Variants in MAGI2 observed in about 807,000 individuals in gnomAD.
MAGI2 encodes the protein membrane associated guanylate kinase, WW and PDZ domain containing 2.
In MAGI2, 35 loss-of-function variants were observed where a neutral mutation model predicts 133.3. The ratio of observed to expected loss-of-function variants is 0.26; its 90% confidence interval spans 0.20 to 0.35. The LOEUF is 0.35. Ranked by LOEUF, MAGI2 falls within the 10% of genes least tolerant of loss-of-function variation. The pLI is 1.00. For missense variants in MAGI2, 1,636 were observed against 1,863.4 expected (o/e 0.88, Z 2.25); for synonymous variants, 729 against 710.6 (o/e 1.03, Z -0.41).
At chr7:78,620,965 A>G (rs929826520) in intron 3 of MAGI2, among the ~76,000 whole-genome samples, 44 of 152,008 alleles carry the variant, frequency 2.9e-4, no homozygotes, top group Non-Finnish European at 2.4e-4. Context: ...AGGTTTAGTT[A>G]ATGATGACAT....
chr7:79,085,074 T>C (rs1020000437), intron 1 of MAGI2, among the ~76,000 whole-genome samples: 1 of 151,730 alleles, frequency 6.6e-6, no homozygotes, highest in African/African-American at 2.4e-5. Context: ...TCTGTTCTTT[T>C]CTCCTTTCTC....
intron 14 of MAGI2, among the ~76,000 whole-genome samples, 197 bp from the exon 15 acceptor site, chr7:78,168,305 G>C (rs571912264): frequency 6.6e-6 from 1 of 152,056 alleles, no homozygotes; most frequent in East Asian, 1.9e-4. Flanking sequence ...TGGAAGATTT[G>C]ATTCTCACAT....
intron 10 of MAGI2, among the ~76,000 whole-genome samples, chr7:78,220,953 G>C (rs1788765200): frequency 6.6e-6 from 1 of 152,152 alleles, no homozygotes; most frequent in Non-Finnish European, 1.5e-5. Flanking sequence ...CAGCTGCCGG[G>C]TTTACAACCC....
At chr7:78,417,043 T>C (rs541549630) in intron 6 of MAGI2, among the ~76,000 whole-genome samples, 1 of 152,144 alleles carries the variant, frequency 6.6e-6, no homozygotes, top group Non-Finnish European at 1.5e-5. Flanking sequence ...ATCCTCACTT[T>C]TCTTGCAAAT....
At chr7:79,339,343 T>G (rs868198033) in intron 1 of MAGI2, among the ~76,000 whole-genome samples, 76 of 152,246 alleles carry the variant, frequency 5.0e-4, no homozygotes, top group African/African-American at 1.7e-3. Context: ...TTCTATTACT[T>G]AATGTATCAG....
intron 1 of MAGI2, among the ~76,000 whole-genome samples, chr7:79,077,574 C>CAAAAAAAAAA (rs769770373): frequency 1.7e-4 from 4 of 23,766 alleles, no homozygotes; most frequent in African/African-American, 3.0e-4. Flanking sequence ...GACTGCCTCT[C>CAAAAAAAAAA]AAAAAAAAAA....
intron 6 of MAGI2, among the ~76,000 whole-genome samples, chr7:78,461,925 A>G (rs1790082247): frequency 7.9e-6 from 1 of 126,262 alleles, no homozygotes; most frequent in Non-Finnish European, 1.6e-5. Context: ...TCAAAAAAAA[A>G]AAAAAAAAAA....
chr7:78,196,844 A>C (rs2150745095), intron 11 of MAGI2, among the ~76,000 whole-genome samples: 1 of 152,352 alleles, frequency 6.6e-6, no homozygotes. Context: ...ATAACTGTCA[A>C]GGATGGAAAA....
At chr7:79,383,414 G>T (rs1843939350) in intron 1 of MAGI2, among the ~76,000 whole-genome samples, 1 of 151,578 alleles carries the variant, frequency 6.6e-6, no homozygotes, top group East Asian at 1.9e-4. Context: ...ATATTAAAAT[G>T]TAGTTAATAC....
At chr7:78,941,333 G>A (rs1789427881) in intron 2 of MAGI2, among the ~76,000 whole-genome samples, 1 of 152,004 alleles carries the variant, frequency 6.6e-6, no homozygotes, top group Non-Finnish European at 1.5e-5. Context: ...CACATACAAG[G>A]TAATTTCTAT....
intron 1 of MAGI2, among the ~76,000 whole-genome samples, chr7:79,416,725 CTTTTTCTTTT>C (rs1232812917): frequency 2.0e-5 from 2 of 102,474 alleles, no homozygotes; most frequent in African/African-American, 4.2e-5. Context: ...TTTTCTTTTT[CTTTTTCTTTT>C]TTTTTTTTTG....
intron 6 of MAGI2, among the ~76,000 whole-genome samples, chr7:78,483,894 G>A (rs2150469938): frequency 1.3e-5 from 2 of 152,004 alleles, no homozygotes; most frequent in South Asian, 4.1e-4. Flanking sequence ...AGTTAATACT[G>A]TTAGGATCTT....
At chr7:78,780,721 A>C (rs1301662997) in intron 2 of MAGI2, among the ~76,000 whole-genome samples, 1 of 152,188 alleles carries the variant, frequency 6.6e-6, no homozygotes, top group African/African-American at 2.4e-5. Context: ...CCTCCAGTAA[A>C]ACCAACAGGT....
intron 1 of MAGI2, among the ~76,000 whole-genome samples, chr7:79,104,897 C>T (rs1818319226): frequency 6.6e-6 from 1 of 152,168 alleles, no homozygotes; most frequent in Non-Finnish European, 1.5e-5. Context: ...TTGGTAAGCA[C>T]AGCTAAACAT....
At chr7:78,225,074 C>T (rs1563287999) in intron 10 of MAGI2, among the ~76,000 whole-genome samples, 1 of 152,268 alleles carries the variant, frequency 6.6e-6, no homozygotes, top group East Asian at 1.9e-4. Context: ...CTGGCTTCTG[C>T]ACACTGCTTC....
chr7:78,040,410 C>G (rs570762256), intron 21 of MAGI2, among the ~76,000 whole-genome samples: 52 of 152,314 alleles, frequency 3.4e-4, no homozygotes, highest in South Asian at 8.3e-4. Flanking sequence ...GCCTCACATT[C>G]CCGCGGGTTC....
intron 1 of MAGI2, among the ~76,000 whole-genome samples, chr7:79,442,502 G>T (rs901384343): frequency 6.8e-6 from 1 of 147,258 alleles, no homozygotes; most frequent in Admixed American, 6.8e-5. Flanking sequence ...TGTATCCAAA[G>T]ATGCAGAACA....
intron 3 of MAGI2, among the ~76,000 whole-genome samples, chr7:78,604,472 C>T (rs1255938896): frequency 6.6e-6 from 1 of 152,164 alleles, no homozygotes. Context: ...CCCATTATCT[C>T]CCGTCCCAGA....
chr7:79,399,405 T>C (rs1845312506), intron 1 of MAGI2, among the ~76,000 whole-genome samples: 1 of 152,096 alleles, frequency 6.6e-6, no homozygotes, highest in Non-Finnish European at 1.5e-5. Context: ...AGTTCACTAG[T>C]ATTATTTCAA....
Sources: gnomAD v4.1 joint callset for allele counts (sites outside exome capture counted in the v4.1 genomes callset) on GRCh38, gnomAD v4.1.1 for gene constraint, MANE v1.5 for transcripts, NCBI Gene and HGNC (gene_info 2026-07-23, HGNC 2026-07-21) for gene names.